The following WDFY4 variants were observed in gnomAD, a reference collection of about 807,000 sequenced individuals.
WDFY4 encodes WD repeat- and FYVE domain-containing protein 4.
Under a neutral mutation model 351.9 loss-of-function variants are expected in WDFY4, and 169 were observed. That is an observed-to-expected ratio of 0.48 (90% CI 0.42 to 0.55). WDFY4 has a LOEUF of 0.55. Ranked by LOEUF, WDFY4 falls within the 20% of genes least tolerant of loss-of-function variation. The pLI, the probability that WDFY4 is intolerant of heterozygous loss-of-function variation, is 0.00. For missense variants in WDFY4, 3,803 were observed against 3,935.6 expected, an observed-to-expected ratio of 0.97 and a Z score of 0.90; for synonymous variants, 1,622 against 1,574.6, an observed-to-expected ratio of 1.03 and a Z score of -0.71.
intron 28 of WDFY4, 146 bp downstream of exon 28, chr10:48,808,104 C>T (rs925388020): frequency 6.2e-6 from 4 of 641,752 alleles, no homozygotes; most frequent in Non-Finnish European, 9.9e-6. Context: ...AAATTATATT[C>T]TCTCTACCCA....
chr10:48,976,643 G>A (rs1352778112), intron 58 of WDFY4, 154 bp from the exon 59 acceptor site: 1 of 548,974 alleles, frequency 1.8e-6, no homozygotes, highest in East Asian at 3.5e-5. Context: ...CAGCAGACCT[G>A]TAAGTCAGCT....
chr10:48,867,457 C>T (rs1291060572), intron 40 of WDFY4, 115 bp downstream of exon 40: 1 of 555,164 alleles, frequency 1.8e-6, no homozygotes, highest in Non-Finnish European at 2.7e-6. Flanking sequence ...AGGCTTGCAC[C>T]ATGTTGGGGT....
At position 48,970,286 on chromosome 10, in the gene WDFY4, G is replaced by A. The variant is rs1290393044; in HGVS notation, c.8925G>A (p.Arg2975=). The A allele has an allele frequency of 5.8e-6, 9 of 1,550,244 alleles. No homozygotes were observed. Among genetic ancestry groups the A allele is most frequent in the Non-Finnish European group, 7.8e-6 (9 of 1,147,000 alleles). Reference sequence around the variant, plus strand: ...GCCGCCCGAGGGGCTTGCGCCTCCGGCAGGTATGGTCCAGCTCGTGCAGGT... The same window carrying A: ...GCCGCCCGAGGGGCTTGCGCCTCCGACAGGTATGGTCCAGCTCGTGCAGGT... ...TKGRPRGLRL[R]QALYGHTQAV... Residue 2975 remains arginine, a synonymous_variant, in exon 57 of 62, where the codon CGG becomes CGA. Coordinates refer to ENST00000325239, the MANE Select transcript of WDFY4 (RefSeq NM_001394531.1).
intron 1 of WDFY4, among the ~76,000 whole-genome samples, chr10:48,704,135 T>C (rs772054345): frequency 1.3e-5 from 2 of 152,092 alleles, no homozygotes; most frequent in Admixed American, 6.5e-5. Context: ...GCTGGACCTC[T>C]TCCCATTGTT....
chr10:48,966,891 T>C (rs148572292), intron 55 of WDFY4: 297 of 585,430 alleles, frequency 5.1e-4, no homozygotes, highest in Middle Eastern at 1.8e-3. Context: ...AAGACCCACG[T>C]CTCTCTGTCT....
At chr10:48,874,347 C>G (rs777857412) in intron 41 of WDFY4, among the ~76,000 whole-genome samples, 1 of 152,124 alleles carries the variant, frequency 6.6e-6, no homozygotes, top group African/African-American at 2.4e-5. Context: ...TATAGGAAAT[C>G]TGTTAATAGT....
intron 47 of WDFY4, chr10:48,913,442 G>T: frequency 6.2e-7 from 1 of 1,613,340 alleles, no homozygotes. Flanking sequence ...AGATCAGATT[G>T]GGAAAGATGG....
At chr10:48,893,846 G>C (rs1836938390) in intron 44 of WDFY4, among the ~76,000 whole-genome samples, 2 of 152,198 alleles carry the variant, frequency 1.3e-5, no homozygotes. Context: ...AATATTGACA[G>C]TTATCCTAAG....
intron 54 of WDFY4, 129 bp from the exon 55 acceptor site, chr10:48,966,397 T>A (rs143868011): frequency 2.2e-5 from 22 of 1,017,268 alleles, no homozygotes; most frequent in Non-Finnish European, 2.2e-5. Flanking sequence ...TCTGTTCATG[T>A]TCAGCTCTGT....
chr10:48,941,907 G>A, intron 48 of WDFY4, 59 bp downstream of exon 48: 2 of 1,505,936 alleles, frequency 1.3e-6, no homozygotes, highest in Non-Finnish European at 1.8e-6. Flanking sequence ...AATGGCTCAG[G>A]CCCCAGCGAT....
At chr10:48,828,500 A>G (rs1326838470) in intron 36 of WDFY4, among the ~76,000 whole-genome samples, 1 of 152,162 alleles carries the variant, frequency 6.6e-6, no homozygotes, top group Non-Finnish European at 1.5e-5. Context: ...ATGGCGGGGA[A>G]TCAGGAGTGG....
Position 48,834,655 on chromosome 10 carries a change from C to G in WDFY4, c.6663+1946C>G, listed in dbSNP as rs1205417699. 2.6e-5 allele frequency among the ~76,000 whole-genome samples: 4 copies of G among 152,332 alleles called. No individual in the cohort carries two copies. The East Asian group carries it at 7.7e-4, about 29-fold the overall frequency. On this transcript the variant is annotated intron_variant, in intron 39 of 61. Transcript: ENST00000325239. ...CCAGCCCCTCTTTCCTTGGCTTCAT[C>G]ATGGAGCTTCTCTTCCTTGGCCATT...
intron 3 of WDFY4, among the ~76,000 whole-genome samples, chr10:48,720,438 A>G (rs756121316): frequency 6.6e-6 from 1 of 152,068 alleles, no homozygotes; most frequent in Non-Finnish European, 1.5e-5. Context: ...GACACTACAC[A>G]CAGACATTAT....
intron 17 of WDFY4, among the ~76,000 whole-genome samples, chr10:48,778,079 G>A (rs2066092906): frequency 6.6e-6 from 1 of 152,250 alleles, no homozygotes; most frequent in Non-Finnish European, 1.5e-5. Flanking sequence ...GGGTGGGACA[G>A]TGCAAGTGCC....
At position 48,970,264 on chromosome 10, in the gene WDFY4, G is replaced by A. The variant is rs569381817; in HGVS notation, c.8903G>A (p.Arg2968His). 1.2e-5 allele frequency: 18 copies of A among 1,551,298 alleles called. No individual in the cohort carries two copies. Among genetic ancestry groups the A allele is most frequent in the Admixed American group, 2.0e-5 (1 of 51,002 alleles). Reference protein sequence around the residue: ...CVWELSMTKGRPRGLRLRQAL... With the variant: ...CVWELSMTKGHPRGLRLRQAL... ...TGGGAGCTCAGCATGACCAAAGGCC[G>A]CCCGAGGGGCTTGCGCCTCCGGCAG... The change falls in exon 57 of 62, where the codon CGC becomes CAC. Residue 2968 changes from arginine (R) to histidine (H), a missense_variant. Arg to His is a conservative substitution (Grantham distance 29, BLOSUM62 0). Coordinates refer to ENST00000325239, the MANE Select transcript of WDFY4 (RefSeq NM_001394531.1).
intron 47 of WDFY4, among the ~76,000 whole-genome samples, chr10:48,908,119 T>A (rs984832005): frequency 4.6e-5 from 7 of 152,226 alleles, no homozygotes; most frequent in African/African-American, 9.6e-5. Flanking sequence ...CTCTGCTGTA[T>A]CCTTAGCCGT....
At chr10:48,912,076 G>T (rs1052359706) in intron 47 of WDFY4, among the ~76,000 whole-genome samples, 1 of 152,170 alleles carries the variant, frequency 6.6e-6, no homozygotes, top group Non-Finnish European at 1.5e-5. Flanking sequence ...CTCCCTCAAG[G>T]TATCATTCTT....
At chr10:48,899,638 G>A (rs187505925) in intron 45 of WDFY4, among the ~76,000 whole-genome samples, 92 of 152,080 alleles carry the variant, frequency 6.0e-4, no homozygotes, top group Middle Eastern at 3.4e-3. Context: ...ACATAGCTTG[G>A]AATAGAAGGG....
intron 24 of WDFY4, among the ~76,000 whole-genome samples, chr10:48,799,064 T>C (rs2066969397): frequency 6.6e-6 from 1 of 152,184 alleles, no homozygotes; most frequent in African/African-American, 2.4e-5. Context: ...GCTCAGCCAG[T>C]CTGGCTCCAA....
Sources: gnomAD v4.1 joint callset for allele counts (sites outside exome capture counted in the v4.1 genomes callset) on GRCh38, gnomAD v4.1.1 for gene constraint, MANE v1.5 for transcripts, NCBI Gene and HGNC (gene_info 2026-07-23, HGNC 2026-07-21) for gene names.